HTR2A: variants seen among roughly 807,000 people sequenced by gnomAD.
The protein encoded by HTR2A is 5-hydroxytryptamine receptor 2A, also known as 5-HT2 receptor.
Under a neutral mutation model 31.0 loss-of-function variants are expected in HTR2A, and 14 were observed. The ratio of observed to expected loss-of-function variants is 0.45; its 90% CI spans 0.30 to 0.71. The LOEUF is 0.71. HTR2A is among the 30% of genes least tolerant of loss of function. HTR2A has a pLI of 0.09. For synonymous variants in HTR2A, 209 were observed against 225.2 expected (o/e 0.93, Z 0.64); for missense variants, 442 against 573.3 (o/e 0.77, Z 2.34).
Position 46,895,692 on chromosome 13 carries a change from T to G in HTR2A, c.215A>C (p.Gln72Pro). 1 of 1,614,146 alleles carries G rather than the reference T, an allele frequency of 6.2e-7. No homozygotes were observed. Among genetic ancestry groups the G allele is most frequent in the Non-Finnish European group, 8.5e-7 (1 of 1,180,024 alleles). ...CAGTAAAGCAGACCAGTTTTTTTCC[T>G]GGAGATGAAGTAAGGAGAGACACGA... Reference protein sequence around the residue: ...SPSCLSLLHLQEKNWSALLTA... With the variant: ...SPSCLSLLHLPEKNWSALLTA... Residue 72 changes from glutamine (Q) to proline (P), a missense_variant, in exon 2 of 4, where the codon CAG becomes CCG. Gln to Pro is a moderately conservative substitution (Grantham distance 76). Around this residue, in one of 5 missense-constraint regions of HTR2A, gnomAD observed 83 missense variants for 84.8 expected, o/e 0.98. Coordinates refer to ENST00000542664, the MANE Select transcript of HTR2A (RefSeq NM_000621.5). This position sits in a 1 kb window ranked among gnomAD's most constrained non-coding sequence, Gnocchi z 4.4.
chr13:46,895,667 C>T lies in HTR2A; in HGVS notation c.240G>A (p.Leu80=), dbSNP rs768379574. ...HLQEKNWSAL[L]TAVVIILTIA... ...TAGTTAGAATAATCACTACGGCTGT[C>T]AGTAAAGCAGACCAGTTTTTTTCCT... The change falls in exon 2 of 4, where the codon CTG becomes CTA. Residue 80 remains leucine, a synonymous_variant. Coordinates refer to ENST00000542664, the MANE Select transcript of HTR2A (RefSeq NM_000621.5). The surrounding 1 kb of genome is among the most constrained non-coding windows in gnomAD (Gnocchi z 4.4). 1 of 1,614,108 alleles carries T rather than the reference C, an allele frequency of 6.2e-7. No individual in the cohort carries two copies. The highest frequency in any genetic ancestry group is 8.5e-7 in the Non-Finnish European group (1 of 1,180,022).
intron 3 of HTR2A, among the ~76,000 whole-genome samples, chr13:46,840,429 T>C (rs1292002293): frequency 6.6e-6 from 1 of 152,198 alleles, no homozygotes; most frequent in African/African-American, 2.4e-5. Flanking sequence ...CAAATAGCTC[T>C]GATAATAAAT....
chr13:46,881,816 G>C (rs1355470443), intron 3 of HTR2A, among the ~76,000 whole-genome samples: 2 of 152,178 alleles, frequency 1.3e-5, no homozygotes, highest in African/African-American at 2.4e-5. Context: ...GTGGGGCTGG[G>C]AATGTCCTCC....
chr13:46,863,630 G>GAAAAAAAAAAAAAAAAAAAAAAAAAAA (rs59693757), intron 3 of HTR2A, among the ~76,000 whole-genome samples: 7 of 59,252 alleles, frequency 1.2e-4, no homozygotes, highest in Non-Finnish European at 1.5e-4. Flanking sequence ...CCCTCAAAAT[G>GAAAAAAAAAAAAAAAAAAAAAAAAAAA]AAAAAAAAAA....
chr13:46,841,270 A>ACT (rs139026431), intron 3 of HTR2A, among the ~76,000 whole-genome samples: 1 of 149,580 alleles, frequency 6.7e-6, no homozygotes, highest in African/African-American at 2.5e-5. Context: ...TACAGCACAA[A>ACT]CTCTCTCTCT....
At chr13:46,889,490 C>T (rs755879253) in intron 3 of HTR2A, among the ~76,000 whole-genome samples, 4 of 152,120 alleles carry the variant, frequency 2.6e-5, no homozygotes, top group Non-Finnish European at 5.9e-5. Context: ...ACTTCTCTAT[C>T]ATTTAATAAA....
chr13:46,842,013 G>A (rs1950601220), intron 3 of HTR2A, among the ~76,000 whole-genome samples: 1 of 152,104 alleles, frequency 6.6e-6, no homozygotes, highest in African/African-American at 2.4e-5. Context: ...CACTATGTTA[G>A]TTAGCTTAAT....
chr13:46,885,772 A>G (rs181085719), intron 3 of HTR2A, among the ~76,000 whole-genome samples: 3 of 152,216 alleles, frequency 2.0e-5, no homozygotes, highest in Non-Finnish European at 2.9e-5. Context: ...CATTTTGCCA[A>G]TTGGATAAGT....
At chr13:46,865,322 G>T (rs1252423370) in intron 3 of HTR2A, among the ~76,000 whole-genome samples, 1 of 152,170 alleles carries the variant, frequency 6.6e-6, no homozygotes, top group Non-Finnish European at 1.5e-5. Flanking sequence ...TGATAGGGAG[G>T]AAAGAGGCTG....
At chr13:46,855,818 A>G (rs73175511) in intron 3 of HTR2A, among the ~76,000 whole-genome samples, 2,028 of 152,338 alleles carry the variant, frequency 0.013, 19 homozygotes, top group Middle Eastern at 0.041. Context: ...ATATAAAGTT[A>G]TGTTTAATGT....
Position 46,835,321 on chromosome 13 carries a change from G to T in HTR2A, c.932C>A (p.Thr311Asn). 6.2e-7 allele frequency: 1 copy of T among 1,614,118 alleles called. No homozygotes were observed. The highest frequency in any genetic ancestry group is 8.5e-7 in the Non-Finnish European group (1 of 1,180,008). The change falls in exon 4 of 4, where the codon ACT becomes AAT. Residue 311 changes from threonine (T) to asparagine (N), a missense_variant. This residue lies in a region of HTR2A where 174 missense variants were observed against 195.1 expected (regional missense o/e 0.89). Transcript: ENST00000542664. Reference protein sequence around the residue: ...REPGSYTGRRTMQSISNEQKA... With the variant: ...REPGSYTGRRNMQSISNEQKA... ...TTGCTCATTGCTGATGGACTGCATA[G>T]TCCTCCTGCCTGTGTAGGACCCTGG...
chr13:46,887,835 G>C (rs1951019421), intron 3 of HTR2A, among the ~76,000 whole-genome samples: 2 of 149,160 alleles, frequency 1.3e-5, no homozygotes, highest in Admixed American at 1.4e-4. Flanking sequence ...AACACTGCAT[G>C]TTCTCACTAA....
rs1340884487 is a variant in HTR2A at position 46,835,119 on chromosome 13, T to C, written c.1134A>G (p.Leu378=). The C allele has an allele frequency of 1.9e-6, 3 of 1,613,876 alleles. No homozygotes were observed. The highest frequency in any genetic ancestry group is 1.1e-5 in the South Asian group (1 of 91,070). ...IGYLSSAVNP[L]VYTLFNKTYR... is the part of the protein sequence containing the mutation. ...AGGTCTTGTTGAACAGTGTGTAGAC[T>C]AGTGGGTTGACTGCTGAAGAGAGAT... Residue 378 remains leucine, a synonymous_variant, in exon 4 of 4, where the codon CTA becomes CTG. Coordinates refer to ENST00000542664, the MANE Select transcript of HTR2A (RefSeq NM_000621.5).
chr13:46,881,956 A>C (rs1474177924), intron 3 of HTR2A, among the ~76,000 whole-genome samples: 2 of 152,024 alleles, frequency 1.3e-5, no homozygotes, highest in Non-Finnish European at 1.5e-5. Context: ...TTCCTCTTGG[A>C]CCTAAATGAG....
intron 3 of HTR2A, among the ~76,000 whole-genome samples, chr13:46,890,037 A>G (rs1289462613): frequency 6.6e-6 from 1 of 152,242 alleles, no homozygotes; most frequent in Non-Finnish European, 1.5e-5. Flanking sequence ...AACACATAGT[A>G]GATGCACATT....
chr13:46,887,450 A>T (rs1951016372), intron 3 of HTR2A, among the ~76,000 whole-genome samples: 1 of 149,044 alleles, frequency 6.7e-6, no homozygotes, highest in Non-Finnish European at 1.5e-5. Context: ...ATTATCAGGC[A>T]TACACAGTAC....
chr13:46,874,872 C>T (rs1950894876), intron 3 of HTR2A, among the ~76,000 whole-genome samples: 2 of 152,188 alleles, frequency 1.3e-5, no homozygotes, highest in African/African-American at 4.8e-5. Flanking sequence ...AAGCCTGTGC[C>T]TAAGGTGGAA....
chr13:46,868,957 A>G (rs1206745700), intron 3 of HTR2A, among the ~76,000 whole-genome samples: 5 of 152,218 alleles, frequency 3.3e-5, no homozygotes. Context: ...CAGTGACTGG[A>G]CTTATGGTGA....
chr13:46,879,538 G>A lies in HTR2A; in HGVS notation c.613+12852C>T, dbSNP rs564863908. On this transcript the variant is annotated intron_variant, in intron 3 of 3. Transcript: ENST00000542664. ...AGATGGAGAGAAATCAAATTCTTGG[G>A]AAGGACAGGAGGTAGAGACAGGAAG... Among the ~76,000 whole-genome samples, 50 of 152,290 alleles carry A rather than the reference G, an allele frequency of 3.3e-4. No individual in the cohort carries two copies. The South Asian group carries it at 8.3e-3, about 25-fold the overall frequency.
Sources: allele counts gnomAD v4.1 joint callset (sites outside exome capture counted in the v4.1 genomes callset), GRCh38; gene constraint gnomAD v4.1.1; regional missense constraint gnomAD v4.1.1; non-coding constraint Gnocchi (gnomAD v3.1); transcripts MANE v1.5; gene names NCBI Gene and HGNC (gene_info 2026-07-23, HGNC 2026-07-21).